OSBPL2: variants seen among roughly 807,000 people sequenced by gnomAD.
The protein encoded by OSBPL2 is oxysterol-binding protein-related protein 2.
A neutral mutation model predicts 58.4 loss-of-function variants in OSBPL2; 18 were observed. That is an observed-to-expected ratio of 0.31 (90% CI 0.21 to 0.46). The LOEUF (loss-of-function observed/expected upper bound fraction) is 0.46, where lower values mean the gene tolerates loss of function less well. OSBPL2 is among the 20% of genes least tolerant of loss of function. The pLI is 1.00. For missense variants in OSBPL2, 461 were observed against 616.5 expected (o/e 0.75, Z 2.67); for synonymous variants, 221 against 234.1 (o/e 0.94, Z 0.51).
intron 7 of OSBPL2, 167 bp downstream of exon 7, chr20:62,279,506 C>A (rs1000463079): frequency 9.8e-5 from 65 of 666,416 alleles, no homozygotes; most frequent in Non-Finnish European, 3.3e-5. Flanking sequence ...TGACCAGGGT[C>A]CCGTGTTGCT....
intron 11 of OSBPL2, among the ~76,000 whole-genome samples, chr20:62,287,359 C>T (rs1363686775): frequency 2.0e-5 from 3 of 152,150 alleles, no homozygotes; most frequent in South Asian, 2.1e-4. Context: ...GCAGAACATG[C>T]GTAAAATACA....
intron 6 of OSBPL2, among the ~76,000 whole-genome samples, chr20:62,275,140 C>A (rs546170526): frequency 2.0e-5 from 3 of 152,126 alleles, no homozygotes; most frequent in Non-Finnish European, 2.9e-5. Context: ...CCCAGGAGTT[C>A]AGTTACAGTG....
At chr20:62,274,840 G>C (rs1412357247) in intron 6 of OSBPL2, among the ~76,000 whole-genome samples, 3 of 152,264 alleles carry the variant, frequency 2.0e-5, no homozygotes, top group Admixed American at 2.0e-4. Flanking sequence ...CGGGAGGGAA[G>C]GCGGGCTCCT....
rs201257981 is a variant in OSBPL2, at chr20:62,273,289, C to A, written c.394-20C>A. 443 of 1,598,314 alleles carry A rather than the reference C, an allele frequency of 2.8e-4. 3 individuals are homozygous for A. The East Asian group carries it at 8.7e-3, about 31-fold the overall frequency. ...TTCCTAACTGAAGCTGTGCCTGTCC[C>A]CCCCGTGGATTATTTACAGTCTGTG... On this transcript the variant is annotated intron_variant, in intron 5 of 13. Transcript: ENST00000313733.
intron 9 of OSBPL2, among the ~76,000 whole-genome samples, chr20:62,282,557 G>A (rs1226162964): frequency 6.6e-6 from 1 of 152,232 alleles, no homozygotes; most frequent in Non-Finnish European, 1.5e-5. Flanking sequence ...GTCAGGGCCA[G>A]GTGCAGTGGC....
At chr20:62,284,262 G>A (rs1194915288) in intron 10 of OSBPL2, 93 bp downstream of exon 10, 21 of 1,461,684 alleles carry the variant, frequency 1.4e-5, no homozygotes, top group Non-Finnish European at 2.0e-5. Flanking sequence ...TGGGGTCCCA[G>A]GGAACCTTTG....
At chr20:62,271,367 G>A (rs944280851) in intron 4 of OSBPL2, among the ~76,000 whole-genome samples, 8 of 152,230 alleles carry the variant, frequency 5.3e-5, no homozygotes, top group African/African-American at 1.7e-4. Flanking sequence ...CATTTGCCAG[G>A]TTCAGGTGTG....
intron 1 of OSBPL2, among the ~76,000 whole-genome samples, chr20:62,249,973 T>C (rs1202522595): frequency 1.3e-5 from 2 of 152,246 alleles, no homozygotes; most frequent in African/African-American, 4.8e-5. Context: ...TGGGGCCATC[T>C]GTGCTTCCCA....
At chr20:62,246,256 G>A (rs374666832) in intron 1 of OSBPL2, among the ~76,000 whole-genome samples, 1 of 152,234 alleles carries the variant, frequency 6.6e-6, no homozygotes, top group Non-Finnish European at 1.5e-5. Flanking sequence ...CGCCACTGCC[G>A]TGGGTGGCTG....
chr20:62,239,979 T>G (rs967314333), intron 1 of OSBPL2, among the ~76,000 whole-genome samples: 2 of 152,124 alleles, frequency 1.3e-5, no homozygotes, highest in African/African-American at 4.8e-5. Context: ...TAGCCTCCCA[T>G]CTAGCTGGGA....
intron 5 of OSBPL2, 90 bp from the exon 6 acceptor site, chr20:62,273,219 C>T: frequency 2.1e-6 from 2 of 956,160 alleles, no homozygotes; most frequent in Non-Finnish European, 3.3e-6. Flanking sequence ...TGACAGAAAC[C>T]AGGTGCCCAC....
chr20:62,252,187 A>C (rs1241025486), intron 1 of OSBPL2, among the ~76,000 whole-genome samples: 2 of 140,244 alleles, frequency 1.4e-5, no homozygotes, highest in Non-Finnish European at 3.0e-5. Flanking sequence ...CCTGGCCAGT[A>C]TGTCTTTTTT....
intron 1 of OSBPL2, among the ~76,000 whole-genome samples, chr20:62,246,054 C>T (rs556846244): frequency 2.0e-5 from 3 of 152,320 alleles, no homozygotes; most frequent in Non-Finnish European, 4.4e-5. Flanking sequence ...AGCTGTGGCG[C>T]GGGGCCGGCT....
At chr20:62,286,437 G>A (rs1046372895) in intron 10 of OSBPL2, 146 bp from the exon 11 acceptor site, 29 of 856,330 alleles carry the variant, frequency 3.4e-5, no homozygotes, top group South Asian at 3.1e-4. Context: ...GCAACAGAGC[G>A]AGACTCCGTC....
At chr20:62,243,133 G>A (rs1979842464) in intron 1 of OSBPL2, among the ~76,000 whole-genome samples, 2 of 152,208 alleles carry the variant, frequency 1.3e-5, no homozygotes, top group Admixed American at 6.5e-5. Flanking sequence ...CGGTGACTCC[G>A]ATAATGACGG....
intron 3 of OSBPL2, among the ~76,000 whole-genome samples, chr20:62,260,478 C>G (rs1234882226): frequency 4.6e-5 from 7 of 152,170 alleles, no homozygotes; most frequent in Admixed American, 1.3e-4. Context: ...ATCATCAGAC[C>G]CCTTGCTGAT....
intron 4 of OSBPL2, among the ~76,000 whole-genome samples, chr20:62,266,788 A>G (rs903231313): frequency 1.3e-5 from 2 of 152,194 alleles, no homozygotes; most frequent in African/African-American, 4.8e-5. Flanking sequence ...TATTATTATT[A>G]TACTTTAGAA....
At chr20:62,257,134 C>T (rs1371507069) in intron 2 of OSBPL2, among the ~76,000 whole-genome samples, 1 of 152,238 alleles carries the variant, frequency 6.6e-6, no homozygotes, top group African/African-American at 2.4e-5. Flanking sequence ...GTCAGGGTCT[C>T]TATGGCCATG....
At position 62,260,157 on chromosome 20, in the gene OSBPL2, T is replaced by C. The variant is rs1432531110; in HGVS notation, c.182+32T>C. The C allele has an allele frequency of 6.8e-6, 11 of 1,607,082 alleles. No homozygotes were observed. In the East Asian group the frequency reaches 2.2e-4, roughly 33 times the overall value. On this transcript the variant is annotated intron_variant, in intron 3 of 13. Coordinates refer to ENST00000313733, the MANE Select transcript of OSBPL2 (RefSeq NM_144498.4). ...TCTCTCACGTCTGCTGTTTCTAAAA[T>C]GTGTCTGTAATCACCCCAAAAATAC...
Sources: gnomAD v4.1 joint callset for allele counts (sites outside exome capture counted in the v4.1 genomes callset) on GRCh38, gnomAD v4.1.1 for gene constraint, MANE v1.5 for transcripts, NCBI Gene and HGNC (gene_info 2026-07-23, HGNC 2026-07-21) for gene names.